The following AGMO variants were observed in gnomAD, a reference collection of about 807,000 sequenced individuals.
AGMO encodes the protein glyceryl-ether monooxygenase.
AGMO carries 75 observed loss-of-function variants against 60.2 expected under a neutral mutation model. The observed-to-expected ratio is 1.25, with a 90% confidence interval of 1.03 to 1.51. AGMO has a LOEUF of 1.51. Among genes scored for constraint, AGMO ranks in the 40% most tolerant of loss-of-function variants. AGMO has a pLI of 0.00. For missense variants in AGMO, 763 were observed against 525.5 expected (o/e 1.45, Z -4.42); for synonymous variants, 261 against 177.1 (o/e 1.47, Z -3.76).
the AGMO span, among the ~76,000 whole-genome samples, chr7:15,192,137 C>G: frequency 6.6e-6 from 1 of 152,066 alleles, no homozygotes; most frequent in Non-Finnish European, 1.5e-5. Flanking sequence ...GGAGAAGAGG[C>G]AGAAGTGTGG....
intron 12 of AGMO, among the ~76,000 whole-genome samples, chr7:15,354,466 G>A (rs868174409): frequency 7.6e-4 from 12 of 15,706 alleles, no homozygotes; most frequent in South Asian, 3.7e-3. Flanking sequence ...ACACACGTGT[G>A]TGTATACACA....
intron 10 of AGMO, among the ~76,000 whole-genome samples, chr7:15,371,865 C>T (rs370199571): frequency 1.3e-5 from 2 of 152,092 alleles, no homozygotes; most frequent in African/African-American, 4.8e-5. Flanking sequence ...ATTCCTCAAA[C>T]TTTAAAATAA....
chr7:15,449,673 T>C (rs570307640), intron 3 of AGMO, among the ~76,000 whole-genome samples: 2 of 152,350 alleles, frequency 1.3e-5, no homozygotes, highest in South Asian at 2.1e-4. Flanking sequence ...AGCAGAATTG[T>C]CTAACTGCAC....
chr7:15,394,495 T>A (rs1008147521), intron 5 of AGMO, among the ~76,000 whole-genome samples: 2 of 152,160 alleles, frequency 1.3e-5, no homozygotes, highest in Non-Finnish European at 2.9e-5. Flanking sequence ...ATATCTCAAT[T>A]TTCTCATCTT....
chr7:15,414,692 A>T (rs948871886), intron 5 of AGMO, among the ~76,000 whole-genome samples: 11 of 152,216 alleles, frequency 7.2e-5, no homozygotes, highest in African/African-American at 2.7e-4. Context: ...AAAATTATGC[A>T]TGACAAAAAT....
At chr7:15,393,398 T>C (rs1784230210) in intron 6 of AGMO, among the ~76,000 whole-genome samples, 1 of 152,266 alleles carries the variant, frequency 6.6e-6, no homozygotes, top group Non-Finnish European at 1.5e-5. Context: ...TGCCCTTGCA[T>C]GTAGCAATGG....
chr7:15,440,168 G>A (rs1208702713), intron 3 of AGMO, among the ~76,000 whole-genome samples: 1 of 152,114 alleles, frequency 6.6e-6, no homozygotes, highest in Non-Finnish European at 1.5e-5. Context: ...TGGTACTTAT[G>A]TCCAATAAGT....
chr7:15,227,092 G>GT (rs375446858), intron 12 of AGMO, among the ~76,000 whole-genome samples: 1 of 151,850 alleles, frequency 6.6e-6, no homozygotes, highest in Admixed American at 6.6e-5. Flanking sequence ...CGATTTTATT[G>GT]TTTTTTTCTT....
intron 12 of AGMO, among the ~76,000 whole-genome samples, chr7:15,325,395 T>G (rs765735994): frequency 5.9e-5 from 9 of 152,150 alleles, no homozygotes; most frequent in Non-Finnish European, 1.2e-4. Context: ...CTGCAATTAT[T>G]TAATCAGTGA....
chr7:15,414,527 G>C (rs1198308965), intron 5 of AGMO, among the ~76,000 whole-genome samples: 2 of 151,848 alleles, frequency 1.3e-5, no homozygotes, highest in Non-Finnish European at 2.9e-5. Flanking sequence ...GGGAGAGAGA[G>C]AGAGAAAACA....
intron 3 of AGMO, among the ~76,000 whole-genome samples, chr7:15,450,878 A>G (rs950946744): frequency 1.3e-5 from 2 of 152,166 alleles, no homozygotes; most frequent in Non-Finnish European, 2.9e-5. Context: ...GAATATTAAT[A>G]ATAAAATTAA....
intron 3 of AGMO, among the ~76,000 whole-genome samples, chr7:15,483,433 G>T (rs1031286794): frequency 6.6e-6 from 1 of 152,116 alleles, no homozygotes; most frequent in African/African-American, 2.4e-5. Context: ...GGGCGTGGTG[G>T]CGGGCGCCTG....
At chr7:15,153,169 G>GT in the AGMO span, among the ~76,000 whole-genome samples, 4 of 121,314 alleles carry the variant, frequency 3.3e-5, no homozygotes, top group African/African-American at 1.2e-4. Context: ...CCTTAGCTTG[G>GT]TTTTTGATAG....
intron 10 of AGMO, among the ~76,000 whole-genome samples, chr7:15,369,770 A>T (rs1190774933): frequency 6.6e-6 from 1 of 152,132 alleles, no homozygotes; most frequent in African/African-American, 2.4e-5. Flanking sequence ...GTCGTATCCC[A>T]AGGGCCTAGA....
intron 12 of AGMO, among the ~76,000 whole-genome samples, chr7:15,339,999 GCA>G (rs1439888082): frequency 2.6e-5 from 4 of 152,132 alleles, no homozygotes; most frequent in African/African-American, 9.7e-5. Context: ...AAGGAGCATA[GCA>G]CAGATACAAG....
At chr7:15,202,409 A>G (rs1781314808) in intron 12 of AGMO, among the ~76,000 whole-genome samples, 1 of 146,226 alleles carries the variant, frequency 6.8e-6, no homozygotes, top group Non-Finnish European at 1.5e-5. Flanking sequence ...TTTTGCTATT[A>G]AAGCATGAAT....
intron 12 of AGMO, among the ~76,000 whole-genome samples, chr7:15,210,843 T>C (rs1378767429): frequency 1.3e-5 from 2 of 152,002 alleles, no homozygotes; most frequent in Non-Finnish European, 2.9e-5. Flanking sequence ...CCCTTTCAAA[T>C]AAAAATAAGT....
At chr7:15,497,900 A>T (rs897359656) in intron 3 of AGMO, among the ~76,000 whole-genome samples, 2 of 152,016 alleles carry the variant, frequency 1.3e-5, no homozygotes, top group African/African-American at 4.8e-5. Flanking sequence ...AGATTTAAAG[A>T]CCAATGCCTC....
chr7:15,520,583 T>C (rs1326372307), intron 3 of AGMO, among the ~76,000 whole-genome samples: 3 of 152,190 alleles, frequency 2.0e-5, no homozygotes, highest in African/African-American at 7.2e-5. Context: ...CCGAACAAGC[T>C]GCTCCTGCAT....
Sources: gnomAD v4.1 joint callset for allele counts (sites outside exome capture counted in the v4.1 genomes callset) on GRCh38, gnomAD v4.1.1 for gene constraint, MANE v1.5 for transcripts, NCBI Gene and HGNC (gene_info 2026-07-23, HGNC 2026-07-21) for gene names.